Variants in PASK observed in about 807,000 individuals in gnomAD.
The protein encoded by PASK is PAS domain containing serine/threonine kinase.
A neutral mutation model predicts 121.0 loss-of-function variants in PASK; 110 were observed. The observed-to-expected ratio is 0.91, with a 90% CI of 0.78 to 1.06. PASK has a LOEUF of 1.06. PASK is among the 50% of genes least tolerant of loss of function. The pLI, the probability that PASK is intolerant of heterozygous loss-of-function variation, is 0.00. For synonymous variants in PASK, 686 were observed against 717.8 expected (o/e 0.96, Z 0.71); for missense variants, 1,643 against 1,702.3 (o/e 0.97, Z 0.61).
chr2:241,141,228 A>C (rs373444344), intron 2 of PASK, among the ~76,000 whole-genome samples: 1 of 152,208 alleles, frequency 6.6e-6, no homozygotes, highest in Non-Finnish European at 1.5e-5. Flanking sequence ...TTGAGACTGC[A>C]GCGAGCTATG....
rs1274842137 is a variant in PASK, at chr2:241,133,024, C to T, written c.1313G>A (p.Arg438Lys). 1 of 1,614,008 alleles carries T rather than the reference C, an allele frequency of 6.2e-7. No individual in the cohort carries two copies. The highest frequency in any genetic ancestry group is 8.5e-7 in the Non-Finnish European group (1 of 1,180,008). ...GCCACCAGCAAGCACGACATTAATC[C>T]TTGGATCTGGCAGCAACACCAAAAA... ...QDPAEGGQDP[R>K]INVVLAGGHV... Residue 438 changes from arginine (R) to lysine (K), a missense_variant, in exon 9 of 18, where the codon AGG becomes AAG. By Grantham distance (26) the Arg-to-Lys change is conservative. This residue lies in a region of PASK where 1,176 missense variants were observed against 1,162.2 expected (regional missense o/e 1.01). Transcript: ENST00000234040.
At position 241,112,297 on chromosome 2, in the gene PASK, A is replaced by C; in HGVS notation, c.3476T>G (p.Phe1159Cys). ...SAAYLERGKL[F>C]YTFCGTIEYC... ...CTCGATGGTCCCACAAAAAGTATAA[A>C]ATAATTTTCCCCTTTCCAAGTAGGC... The change falls in exon 15 of 18, where the codon TTT becomes TGT. Residue 1159 changes from phenylalanine (F) to cysteine (C), a missense_variant. Phe to Cys is a radical substitution (Grantham distance 205). Around this residue, in one of 3 missense-constraint regions of PASK, gnomAD observed 453 missense variants for 511.2 expected, o/e 0.89. Transcript: ENST00000234040. This position sits in a 1 kb window ranked among gnomAD's most constrained non-coding sequence, Gnocchi z 5.2. The C allele has an allele frequency of 6.2e-7, 1 of 1,613,800 alleles. No homozygotes were observed. The highest frequency in any genetic ancestry group is 8.5e-7 in the Non-Finnish European group (1 of 1,179,826).
chr2:241,127,827 G>C (rs770383740), intron 9 of PASK: 8 of 355,776 alleles, frequency 2.2e-5, no homozygotes, highest in Non-Finnish European at 4.4e-5. Context: ...GAGGAGGTGT[G>C]AGAGGAAACG....
chr2:241,143,153 G>C (rs2066790887), intron 1 of PASK, 79 bp from the exon 2 acceptor site: 1 of 786,588 alleles, frequency 1.3e-6, no homozygotes. Flanking sequence ...TTATAATGCT[G>C]AGTTCAGCTC....
intron 9 of PASK, 151 bp from the exon 10 acceptor site, chr2:241,127,602 A>T: frequency 2.8e-6 from 2 of 702,072 alleles, no homozygotes; most frequent in Non-Finnish European, 5.1e-6. Context: ...CCAAGTTAAA[A>T]AATAAAGCAC....
At chr2:241,144,967 G>A (rs1001274679) in intron 1 of PASK, among the ~76,000 whole-genome samples, 1 of 152,134 alleles carries the variant, frequency 6.6e-6, no homozygotes, top group Non-Finnish European at 1.5e-5. Flanking sequence ...AGGGTGGAGT[G>A]CAGTGGCGCG....
rs566564795 is a variant in PASK, at chr2:241,108,364, T to C, written c.3534-64A>G. On this transcript the variant is annotated intron_variant, in intron 15 of 17. Transcript: ENST00000234040. The surrounding 1 kb of genome is among the most constrained non-coding windows in gnomAD (Gnocchi z 5.2). Reference sequence around the variant, plus strand: ...AGCGCAGGCTTGCCAAGCCCGCCCATGGGAAGCACCATGGCCCTTCCCGAC... The same window carrying C: ...AGCGCAGGCTTGCCAAGCCCGCCCACGGGAAGCACCATGGCCCTTCCCGAC... 7.5e-5 allele frequency: 115 copies of C among 1,526,218 alleles called. No homozygotes were observed. The African/African-American group carries it at 2.3e-3, about 31-fold the overall frequency. 94.5% of individuals were successfully genotyped at this position (1,526,218 alleles called of 1,614,324 possible).
chr2:241,117,843 A>G (rs1240585006), intron 12 of PASK, among the ~76,000 whole-genome samples: 1 of 152,254 alleles, frequency 6.6e-6, no homozygotes, highest in East Asian at 1.9e-4. Flanking sequence ...CTGAATGTAT[A>G]GTACCCATGA....
In PASK at chr2:241,112,362, G is replaced by A. The variant is rs2074824; in HGVS notation, c.3411C>T (p.Ala1137=). Residue 1137 remains alanine (A), a synonymous_variant, in exon 15 of 18, where the codon GCC becomes GCT. Coordinates refer to ENST00000234040, the MANE Select transcript of PASK (RefSeq NM_015148.4). This position sits in a 1 kb window ranked among gnomAD's most constrained non-coding sequence, Gnocchi z 5.2. The part of the protein sequence containing the change: ...RDIKDENIVI[A]EDFTIKLIDF... ...CTATCAGCTTGATTGTGAAGTCCTC[G>A]GCGATCACGATGTTCTCATCCTTGA... 221,272 of 1,612,660 alleles carry A rather than the reference G, an allele frequency of 0.14. 24,712 individuals carry two copies. The highest frequency in any genetic ancestry group is 0.51 in the African/African-American group (37,744 of 74,734).
intron 15 of PASK, chr2:241,109,167 T>A (rs1966368): frequency 7.4e-6 from 1 of 135,058 alleles, no homozygotes; most frequent in South Asian, 2.3e-4. Context: ...TCCTCATCCA[T>A]GCTACCATCT....
Position 241,126,659 on chromosome 2 carries a change from T to C in PASK, c.2256A>G (p.Thr752=). 4.3e-6 allele frequency: 7 copies of C among 1,614,252 alleles called. No homozygotes were observed. Among genetic ancestry groups the C allele is most frequent in the Non-Finnish European group, 5.9e-6 (7 of 1,180,050 alleles). ...AGGAACAATTTGATGACGTTTGGTC[T>C]GTCTGGTCACTGAAAAAGAGTTCCT... The part of the protein sequence containing the change: ...NLKELFFSDQ[T]DQTSSNCSCA... The change falls in exon 10 of 18, where the codon ACA becomes ACG. Residue 752 remains threonine, a synonymous_variant. Transcript: ENST00000234040.
chr2:241,120,899 G>A (rs1464659090), intron 12 of PASK, among the ~76,000 whole-genome samples: 1 of 152,070 alleles, frequency 6.6e-6, no homozygotes, highest in Non-Finnish European at 1.5e-5. Flanking sequence ...ATTCCTAATG[G>A]CCAAAAAATG....
intron 12 of PASK, among the ~76,000 whole-genome samples, chr2:241,117,370 G>A (rs914147024): frequency 6.6e-6 from 1 of 152,202 alleles, no homozygotes; most frequent in Non-Finnish European, 1.5e-5. Flanking sequence ...CTGCTGAGAT[G>A]TGGCAGAGCT....
chr2:241,149,685 C>T, upstream of PASK: 3 of 1,549,462 alleles, frequency 1.9e-6, no homozygotes, highest in East Asian at 2.4e-5. Context: ...GATGCGGTTT[C>T]CTCCCGACTC....
Position 241,143,102 on chromosome 2 carries a change from A to G in PASK, c.-42-28T>C, listed in dbSNP as rs148437144. 43 of 1,128,716 alleles carry G rather than the reference A, an allele frequency of 3.8e-5. No individual in the cohort carries two copies. In the African/African-American group the frequency reaches 5.3e-4, roughly 14 times the overall value. 69.9% of individuals were successfully genotyped at this position (1,128,716 alleles called of 1,614,324 possible). On this transcript the variant is annotated intron_variant, in intron 1 of 17. Coordinates refer to ENST00000234040, the MANE Select transcript of PASK (RefSeq NM_015148.4). ...AGAAAACAACATGAAGCTGATTAAC[A>G]TCTGCAATGCAAAAACACAAAGACA...
In PASK at chr2:241,126,664, G is replaced by A. The variant is rs1575283554; in HGVS notation, c.2251C>T (p.Gln751Ter). 1 of 1,614,162 alleles carries A rather than the reference G, an allele frequency of 6.2e-7. No individual in the cohort carries two copies. Among genetic ancestry groups the A allele is most frequent in the East Asian group, 2.2e-5 (1 of 44,880 alleles). The change falls in exon 10 of 18, where the codon CAG becomes TAG. Residue 751 changes from glutamine (Q) to a stop codon, truncating the protein, a stop_gained. Transcript: ENST00000234040. LOFTEE classifies it high-confidence loss of function. ...CAATTTGATGACGTTTGGTCTGTCT[G>A]GTCACTGAAAAAGAGTTCCTTGAGG... ...WNLKELFFSD[Q>*]TDQTSSNCSC...
At position 241,108,527 on chromosome 2, in the gene PASK, C is replaced by T. The variant is rs954507113; in HGVS notation, c.3534-227G>A. ...GAGTGGAGAGGCCATCGGGCAGCTC[C>T]GAGGCTAATCAGGAACTTCCTTGTG... On this transcript the variant is annotated intron_variant, in intron 15 of 17. Coordinates refer to ENST00000234040, the MANE Select transcript of PASK (RefSeq NM_015148.4). The surrounding 1 kb of genome is among the most constrained non-coding windows in gnomAD (Gnocchi z 5.2). The T allele has an allele frequency of 6.7e-6, 4 of 592,762 alleles. No homozygotes were observed. Among genetic ancestry groups the T allele is most frequent in the East Asian group, 2.9e-5 (1 of 34,180 alleles). The allele number at this position is 592,762 out of a possible 1,614,324, so 36.7% of individuals were successfully genotyped here.
Position 241,112,771 on chromosome 2 carries a change from G to C in PASK, c.3334-332C>G, listed in dbSNP as rs1004892053. On this transcript the variant is annotated intron_variant, in intron 14 of 17. Transcript: ENST00000234040. This position sits in a 1 kb window ranked among gnomAD's most constrained non-coding sequence, Gnocchi z 5.2. Reference sequence around the variant, plus strand: ...ACACCATGCCTATTTCAGGAGGAAAGACAGGCCACAAAGCCACAGCTCAAA... The same window carrying C: ...ACACCATGCCTATTTCAGGAGGAAACACAGGCCACAAAGCCACAGCTCAAA... The C allele has an allele frequency of 6.1e-6, 2 of 328,762 alleles. No homozygotes were observed. The highest frequency in any genetic ancestry group is 1.7e-4 in the East Asian group (2 of 12,002). The allele number at this position is 328,762 out of a possible 1,614,324, so 20.4% of individuals were successfully genotyped here. A position where few individuals can be genotyped will look rare whatever the true frequency, so the allele number is the denominator to read the frequency against.
rs536061777 is a variant in PASK at position 241,127,804 on chromosome 2, G to A, written c.1464-353C>T. ...CGGCCCCACCTGCAAGGGGAAGTCC[G>A]TGCTGCTGCCTTGAGGAGGTGTGAG... On this transcript the variant is annotated intron_variant, in intron 9 of 17. Coordinates refer to ENST00000234040, the MANE Select transcript of PASK (RefSeq NM_015148.4). 3.4e-4 allele frequency: 129 copies of A among 374,272 alleles called. No individual in the cohort carries two copies. In the East Asian group the frequency reaches 5.2e-3, roughly 15 times the overall value. The allele number at this position is 374,272 out of a possible 1,614,324, so 23.2% of individuals were successfully genotyped here. A position where few individuals can be genotyped will look rare whatever the true frequency, so the allele number is the denominator to read the frequency against.
Sources: gnomAD v4.1 joint callset for allele counts (sites outside exome capture counted in the v4.1 genomes callset) on GRCh38, gnomAD v4.1.1 for gene constraint, gnomAD v4.1.1 regional missense constraint, Gnocchi (gnomAD v3.1) non-coding constraint, MANE v1.5 for transcripts, NCBI Gene and HGNC (gene_info 2026-07-23, HGNC 2026-07-21) for gene names.